The following COL4A3 variants were observed in gnomAD, a reference collection of about 807,000 sequenced individuals.
The protein encoded by COL4A3 is collagen alpha-3(IV) chain.
A neutral mutation model predicts 217.4 loss-of-function variants in COL4A3; 135 were observed. The ratio of observed to expected loss-of-function variants is 0.62; its 90% CI spans 0.54 to 0.72. The LOEUF (loss-of-function observed/expected upper bound fraction) is 0.72. Among genes scored for constraint, COL4A3 ranks in the 30% least tolerant of loss-of-function variants. COL4A3 has a pLI of 0.00. For synonymous variants in COL4A3, 690 were observed against 736.3 expected (o/e 0.94, Z 1.02); for missense variants, 1,868 against 2,119.9 (o/e 0.88, Z 2.33).
chr2:227,291,999 A>G (rs1559908287), intron 37 of COL4A3, among the ~76,000 whole-genome samples: 2 of 152,226 alleles, frequency 1.3e-5, no homozygotes, highest in Non-Finnish European at 2.9e-5. Flanking sequence ...CCACTGGGAA[A>G]ATCTATGGGA....
At chr2:227,294,032 A>G (rs1264020574) in intron 38 of COL4A3, 1 of 307,638 alleles carries the variant, frequency 3.3e-6, no homozygotes, top group Non-Finnish European at 6.3e-6. Context: ...AAACTACAAC[A>G]CTGTGCTGTG....
chr2:227,213,901 C>CAAAAAAAAA, intron 1 of COL4A3, among the ~76,000 whole-genome samples: 2 of 89,346 alleles, frequency 2.2e-5, no homozygotes, highest in Non-Finnish European at 2.1e-5. Context: ...AACTCTGTCT[C>CAAAAAAAAA]AAAAAAAAAA....
chr2:227,211,679 A>G (rs577461936), intron 1 of COL4A3, among the ~76,000 whole-genome samples: 59 of 122,074 alleles, frequency 4.8e-4, no homozygotes, highest in Middle Eastern at 9.4e-3. Flanking sequence ...ATTTATTGAG[A>G]CAGAGTCTTG....
chr2:227,252,500 G>T (rs1414279617), intron 11 of COL4A3, among the ~76,000 whole-genome samples: 1 of 151,892 alleles, frequency 6.6e-6, no homozygotes, highest in Non-Finnish European at 1.5e-5. Context: ...ACAGGCATGA[G>T]CCACTATGCC....
intron 8 of COL4A3, 172 bp from the exon 9 acceptor site, chr2:227,248,271 A>T: frequency 1.6e-6 from 1 of 635,862 alleles, no homozygotes; most frequent in Non-Finnish European, 2.9e-6. Flanking sequence ...GAAAATATGA[A>T]AATGCTTTGA....
intron 1 of COL4A3, among the ~76,000 whole-genome samples, chr2:227,202,509 C>T (rs2125740937): frequency 6.6e-6 from 1 of 151,688 alleles, no homozygotes; most frequent in African/African-American, 2.4e-5. Context: ...CTTTGGGAGG[C>T]CGAGGCGGGC....
intron 51 of COL4A3, 101 bp downstream of exon 51, chr2:227,311,049 C>A: frequency 1.6e-6 from 2 of 1,270,874 alleles, no homozygotes; most frequent in South Asian, 1.2e-5. Flanking sequence ...TTTTGTACTA[C>A]TGTGCCAATA....
At chr2:227,222,671 A>C (rs2067875140) in intron 1 of COL4A3, 1 of 152,242 alleles carries the variant, frequency 6.6e-6, no homozygotes, top group Non-Finnish European at 1.5e-5. Flanking sequence ...TAGTCTTTCA[A>C]GACAGGTAAC....
chr2:227,215,241 A>G (rs1158254177), intron 1 of COL4A3, among the ~76,000 whole-genome samples: 1 of 152,192 alleles, frequency 6.6e-6, no homozygotes, highest in African/African-American at 2.4e-5. Context: ...AATTCAAAAA[A>G]GTATAAAGTC....
chr2:227,217,584 A>T (rs1205973760), intron 1 of COL4A3, among the ~76,000 whole-genome samples: 1 of 152,228 alleles, frequency 6.6e-6, no homozygotes, highest in Non-Finnish European at 1.5e-5. Context: ...TGCATGATGT[A>T]CCATCACTAT....
At chr2:227,224,651 A>C (rs1338764035) in intron 1 of COL4A3, among the ~76,000 whole-genome samples, 1 of 152,080 alleles carries the variant, frequency 6.6e-6, no homozygotes, top group Non-Finnish European at 1.5e-5. Flanking sequence ...GCTAGTCAGG[A>C]GGCTGAAGCA....
At position 227,249,212 on chromosome 2, in the gene COL4A3, G is replaced by GTATATATATATATATATATATATA. The variant is rs1553751598; in HGVS notation, c.546+711_546+712insATATATATATATATATATATATAT. On this transcript the variant is annotated intron_variant, in intron 9 of 51. Transcript: ENST00000396578. ...AATTATATATAACCAAAATTAGCTA[G>GTATATATATATATATATATATATA]TATATATATATATATATATTTTTTT... Among the ~76,000 whole-genome samples the GTATATATATATATATATATATATA allele has an allele frequency of 9.6e-4, 32 of 33,218 alleles. 1 individual carries two copies. The highest frequency in any genetic ancestry group is 0.01 in the Middle Eastern group (1 of 98). The allele number at this position is 33,218 out of a possible 152,430, so 21.8% of individuals were successfully genotyped here. A position where few individuals can be genotyped will look rare whatever the true frequency, so the allele number is the denominator to read the frequency against.
chr2:227,281,092 T>C, intron 31 of COL4A3, 86 bp downstream of exon 31: 1 of 845,712 alleles, frequency 1.2e-6, no homozygotes. Flanking sequence ...ACATGGGAAC[T>C]GTCCAGCCAC....
Position 227,259,858 on chromosome 2 carries a change from A to G in COL4A3, c.1095A>G (p.Arg365=), listed in dbSNP as rs1360370407. 6 of 1,613,432 alleles carry G rather than the reference A, an allele frequency of 3.7e-6. No individual in the cohort carries two copies. Among genetic ancestry groups the G allele is most frequent in the South Asian group, 1.1e-5 (1 of 91,058 alleles). ...GCACTCCAGGCCCACCAGGGCCCAG[A>G]GGAGCTCGTGGCCCACAAGGTAAGA... ...DEGTPGPPGP[R]GARGPQGPSG... The change falls in exon 19 of 52, where the codon AGA becomes AGG. Residue 365 remains arginine, a synonymous_variant. Coordinates refer to ENST00000396578, the MANE Select transcript of COL4A3 (RefSeq NM_000091.5).
intron 1 of COL4A3, among the ~76,000 whole-genome samples, chr2:227,220,752 C>A (rs1393132668): frequency 6.6e-6 from 1 of 152,190 alleles, no homozygotes; most frequent in East Asian, 1.9e-4. Flanking sequence ...GCATGAGCCA[C>A]CATGCCTGGC....
chr2:227,234,091 G>C (rs2068556383), intron 1 of COL4A3, among the ~76,000 whole-genome samples: 1 of 152,146 alleles, frequency 6.6e-6, no homozygotes, highest in Non-Finnish European at 1.5e-5. Flanking sequence ...ATGGGGGAGA[G>C]GCATACAGAA....
chr2:227,295,637 T>C (rs2072996478), intron 41 of COL4A3, among the ~76,000 whole-genome samples: 1 of 152,206 alleles, frequency 6.6e-6, no homozygotes. Flanking sequence ...AAGGTGGAAC[T>C]GATGGGTTCT....
chr2:227,211,956 C>T (rs745765922), intron 1 of COL4A3, among the ~76,000 whole-genome samples: 5 of 152,090 alleles, frequency 3.3e-5, no homozygotes, highest in East Asian at 1.9e-4. Flanking sequence ...TGTGAGCCAC[C>T]GTGCCCGGCC....
At chr2:227,304,434 A>G (rs1177041952) in intron 46 of COL4A3, 11 of 376,864 alleles carry the variant, frequency 2.9e-5, no homozygotes, top group Non-Finnish European at 4.9e-5. Flanking sequence ...CTCCTCTGAC[A>G]ACTGTCAGTC....
Sources: gnomAD v4.1 joint callset for allele counts (sites outside exome capture counted in the v4.1 genomes callset) on GRCh38, gnomAD v4.1.1 for gene constraint, MANE v1.5 for transcripts, NCBI Gene and HGNC (gene_info 2026-07-23, HGNC 2026-07-21) for gene names.